STRBP: variants seen among roughly 807,000 people sequenced by gnomAD.
The protein encoded by STRBP is spermatid perinuclear RNA binding protein.
STRBP carries 13 observed loss-of-function variants against 80.1 expected under a neutral mutation model. The observed-to-expected ratio is 0.16, with a 90% CI of 0.11 to 0.26. The LOEUF (loss-of-function observed/expected upper bound fraction) is 0.26. STRBP is among the 10% of genes least tolerant of loss of function. The probability of loss-of-function intolerance (pLI) is 1.00; values close to 1 mark genes in which losing one functional copy is unlikely to be tolerated. For missense variants in STRBP, 485 were observed against 815.2 expected, an observed-to-expected ratio of 0.59 and a Z score of 4.93; for synonymous variants, 284 against 291.2, an observed-to-expected ratio of 0.98 and a Z score of 0.25.
intron 6 of STRBP, among the ~76,000 whole-genome samples, chr9:123,162,980 T>C (rs1394928020): frequency 6.6e-6 from 1 of 152,262 alleles, no homozygotes; most frequent in Non-Finnish European, 1.5e-5. Context: ...AATGAATGTT[T>C]ACATTCTCTT....
At position 123,126,357 on chromosome 9, in the gene STRBP, G is replaced by C. The variant is rs542580612; in HGVS notation, c.1943-684C>G. On this transcript the variant is annotated intron_variant, in intron 18 of 18. Coordinates refer to ENST00000348403, the MANE Select transcript of STRBP (RefSeq NM_018387.5). This position sits in a 1 kb window ranked among gnomAD's most constrained non-coding sequence, Gnocchi z 4.4. The stretch of plus-strand genomic sequence containing the variant: ...ACCCCACATGCAACAGCTTTACAAA[G>C]GCCAAAAGACATATTTACCTTACAG... Among the ~76,000 whole-genome samples, 1 of 152,246 alleles carries C rather than the reference G, an allele frequency of 6.6e-6. No homozygotes were observed. Among genetic ancestry groups the C allele is most frequent in the Admixed American group, 6.5e-5 (1 of 15,280 alleles).
intron 16 of STRBP, chr9:123,135,713 AACTGCTTAG>A (rs1195889285): frequency 3.6e-5 from 6 of 165,088 alleles, no homozygotes; most frequent in Non-Finnish European, 6.6e-5. Flanking sequence ...CCCCAAACTA[AACTGCTTAG>A]ACCTCACTAA....
chr9:123,139,893 C>T (rs866869889), intron 13 of STRBP, among the ~76,000 whole-genome samples: 3 of 152,258 alleles, frequency 2.0e-5, no homozygotes, highest in Middle Eastern at 3.4e-3. Context: ...GGGAAAACCT[C>T]CTCAGGATAA....
chr9:123,147,966 A>T lies in STRBP; in HGVS notation c.1046-96T>A. ...CATGTTCAGGTAGGAAAATCTTAGGAATCACACCAAGGACCATACAACTTT... is the reference window on the plus strand; with the variant it reads ...CATGTTCAGGTAGGAAAATCTTAGGTATCACACCAAGGACCATACAACTTT... On this transcript the variant is annotated intron_variant, in intron 11 of 18. Coordinates refer to ENST00000348403, the MANE Select transcript of STRBP (RefSeq NM_018387.5). 6 of 1,079,780 alleles carry T rather than the reference A, an allele frequency of 5.6e-6. No individual in the cohort carries two copies. In the South Asian group the frequency reaches 6.7e-5, roughly 12 times the overall value. 66.9% of individuals were successfully genotyped at this position (1,079,780 alleles called of 1,614,324 possible).
intron 1 of STRBP, among the ~76,000 whole-genome samples, chr9:123,251,147 C>T (rs1014470967): frequency 6.6e-6 from 1 of 151,990 alleles, no homozygotes; most frequent in African/African-American, 2.4e-5. Flanking sequence ...CTGTTTCTTT[C>T]TCTGTCTCTG....
intron 11 of STRBP, among the ~76,000 whole-genome samples, chr9:123,153,237 C>T (rs1203819352): frequency 1.3e-5 from 2 of 150,574 alleles, no homozygotes; most frequent in African/African-American, 4.9e-5. Flanking sequence ...GTCACCAAGG[C>T]TGGAGTGCAG....
intron 2 of STRBP, among the ~76,000 whole-genome samples, chr9:123,197,337 T>C (rs1001141927): frequency 6.6e-6 from 1 of 152,174 alleles, no homozygotes; most frequent in Non-Finnish European, 1.5e-5. Flanking sequence ...ACAGGGTGAT[T>C]ACAGTCAGTA....
rs1006566425 is a variant in STRBP, at chr9:123,124,325, G to A, written c.*1272C>T. ...CCTTCATGGGGGTGAGTACCTTAAT[G>A]AAACCATTGACCTAGTAACATCATT... is the stretch of plus-strand genomic sequence containing the variant. On this transcript the variant is annotated 3_prime_UTR_variant, in exon 19 of 19. Coordinates refer to ENST00000348403, the MANE Select transcript of STRBP (RefSeq NM_018387.5). The A allele has an allele frequency of 2.0e-6, 2 of 985,328 alleles. No homozygotes were observed. Among genetic ancestry groups the A allele is most frequent in the Admixed American group, 1.2e-4 (2 of 16,264 alleles). The allele number at this position is 985,328 out of a possible 1,614,324, so 61.0% of individuals were successfully genotyped here. A position where few individuals can be genotyped will look rare whatever the true frequency, so the allele number is the denominator to read the frequency against.
downstream of STRBP, chr9:123,121,455 G>A (rs932637434): frequency 6.6e-6 from 1 of 152,056 alleles, no homozygotes; most frequent in East Asian, 1.9e-4. Flanking sequence ...AAATAATCTA[G>A]CTACCTAACC....
intron 2 of STRBP, among the ~76,000 whole-genome samples, chr9:123,186,188 T>C (rs1380099813): frequency 6.6e-6 from 1 of 150,562 alleles, no homozygotes; most frequent in Non-Finnish European, 1.5e-5. Context: ...ACCAAAAAAA[T>C]TAACAACAAA....
chr9:123,158,917 A>G (rs2037405361), intron 9 of STRBP, among the ~76,000 whole-genome samples, 179 bp downstream of exon 9: 1 of 152,218 alleles, frequency 6.6e-6, no homozygotes, highest in Non-Finnish European at 1.5e-5. Context: ...ACAAATTATA[A>G]TTATTGAAAA....
intron 2 of STRBP, among the ~76,000 whole-genome samples, chr9:123,232,644 T>G (rs576536315): frequency 6.6e-6 from 1 of 152,210 alleles, no homozygotes; most frequent in Non-Finnish European, 1.5e-5. Flanking sequence ...TGGCTGAGAA[T>G]TGTTAGATGT....
intron 14 of STRBP, among the ~76,000 whole-genome samples, chr9:123,137,738 A>C (rs1288041436): frequency 1.3e-5 from 2 of 152,132 alleles, no homozygotes; most frequent in Non-Finnish European, 2.9e-5. Flanking sequence ...ATATAAACCT[A>C]ATGAAAATCA....
intron 7 of STRBP, 144 bp from the exon 8 acceptor site, chr9:123,160,606 T>G: frequency 1.9e-6 from 1 of 522,978 alleles, no homozygotes; most frequent in Non-Finnish European, 3.1e-6. Flanking sequence ...AGTAGTAAAA[T>G]TAAGGCTTAA....
At chr9:123,160,921 T>A in intron 7 of STRBP, 56 bp downstream of exon 7, 1 of 1,445,736 alleles carries the variant, frequency 6.9e-7, no homozygotes, top group Non-Finnish European at 9.4e-7. Flanking sequence ...TGGCAGGTGT[T>A]CCAAATGAAA....
chr9:123,155,778 G>A (rs1030589201), intron 11 of STRBP, among the ~76,000 whole-genome samples: 3 of 152,012 alleles, frequency 2.0e-5, no homozygotes, highest in Admixed American at 2.0e-4. Flanking sequence ...ATATTTGTGA[G>A]AGAAGAAGTC....
chr9:123,147,648 A>C, intron 12 of STRBP, 130 bp downstream of exon 12: 1 of 715,626 alleles, frequency 1.4e-6, no homozygotes, highest in Non-Finnish European at 2.2e-6. Flanking sequence ...ACTGCACTCC[A>C]GTCTCAGTGA....
intron 2 of STRBP, among the ~76,000 whole-genome samples, chr9:123,218,355 C>CTTTTTTTTT (rs10689260): frequency 4.9e-5 from 5 of 102,436 alleles, no homozygotes; most frequent in African/African-American, 8.8e-5. Context: ...TTAAATATGA[C>CTTTTTTTTT]TTTTTTTTTT....
At chr9:123,156,620 C>A (rs2037296179) in intron 11 of STRBP, among the ~76,000 whole-genome samples, 1 of 149,348 alleles carries the variant, frequency 6.7e-6, no homozygotes, top group African/African-American at 2.5e-5. Context: ...GATCTCATCA[C>A]ATGTCACATG....
Sources: allele counts gnomAD v4.1 joint callset (sites outside exome capture counted in the v4.1 genomes callset), GRCh38; gene constraint gnomAD v4.1.1; non-coding constraint Gnocchi (gnomAD v3.1); transcripts MANE v1.5; gene names NCBI Gene and HGNC (gene_info 2026-07-23, HGNC 2026-07-21).